The following SPAG1 variants were observed in gnomAD, a reference collection of about 807,000 sequenced individuals.
SPAG1 encodes sperm associated antigen 1.
A neutral mutation model predicts 100.5 loss-of-function variants in SPAG1; 69 were observed. The observed-to-expected ratio is 0.69, with a 90% CI of 0.57 to 0.84. SPAG1 has a LOEUF of 0.84. Ranked by LOEUF, SPAG1 falls within the 40% of genes least tolerant of loss-of-function variation. SPAG1 has a pLI of 0.00. For synonymous variants in SPAG1, 336 were observed against 411.6 expected (o/e 0.82, Z 2.22); for missense variants, 955 against 1,133.1 (o/e 0.84, Z 2.26).
intron 10 of SPAG1, among the ~76,000 whole-genome samples, chr8:100,196,376 C>T (rs1375289275): frequency 2.0e-5 from 3 of 152,150 alleles, no homozygotes; most frequent in Non-Finnish European, 2.9e-5. Context: ...TCGTCCTTGC[C>T]AGCATTTGGT....
intron 3 of SPAG1, among the ~76,000 whole-genome samples, chr8:100,171,622 C>T (rs148484321): frequency 6.6e-6 from 1 of 152,292 alleles, no homozygotes; most frequent in East Asian, 1.9e-4. Context: ...GCCTCCCTAA[C>T]GTCCAAACTT....
At position 100,239,589 on chromosome 8, in the gene SPAG1, A is replaced by C. The variant is rs529190584; in HGVS notation, c.2280+185A>C. 6.6e-6 allele frequency among the ~76,000 whole-genome samples: 1 copy of C among 152,184 alleles called. No homozygotes were observed. Among genetic ancestry groups the C allele is most frequent in the Non-Finnish European group, 1.5e-5 (1 of 68,020 alleles). On this transcript the variant is annotated intron_variant, in intron 17 of 18. Transcript: ENST00000388798. The surrounding 1 kb of genome is among the most constrained non-coding windows in gnomAD (Gnocchi z 5.0). ...TGATAATTAGCCATTGTATTTCCCA[A>C]CGTGGGTCCATGGATGGTACTGGGA...
In SPAG1 at chr8:100,170,835, TTA is replaced by T. The variant is rs1267118788; in HGVS notation, c.300+4864_300+4865del. 7.7e-4 allele frequency among the ~76,000 whole-genome samples: 63 copies of T among 81,766 alleles called. No homozygotes were observed. The East Asian group carries it at 0.014, about 18-fold the overall frequency. 53.6% of individuals were successfully genotyped at this position (81,766 alleles called of 152,430 possible). On this transcript the variant is annotated intron_variant, in intron 3 of 18. Transcript: ENST00000388798. ...TTTATTTATTTATTTATTTATTTAT[TTA>T]TTTATTTATTTATTTTTTACTTGCT...
intron 13 of SPAG1, among the ~76,000 whole-genome samples, chr8:100,224,677 T>TA (rs1437095893): frequency 1.3e-5 from 2 of 152,212 alleles, no homozygotes; most frequent in East Asian, 3.8e-4. Flanking sequence ...AGCGAGCCCT[T>TA]ACCAGTGTTG....
chr8:100,204,245 A>ATAAC, intron 10 of SPAG1, among the ~76,000 whole-genome samples: 1 of 152,146 alleles, frequency 6.6e-6, no homozygotes, highest in East Asian at 1.9e-4. Context: ...TTCTAGACCT[A>ATAAC]TAACTAGACT....
chr8:100,201,516 G>C (rs959136121), intron 10 of SPAG1, among the ~76,000 whole-genome samples: 2 of 152,160 alleles, frequency 1.3e-5, no homozygotes, highest in Non-Finnish European at 2.9e-5. Flanking sequence ...TATACAGTGT[G>C]AGGTAAATGT....
At chr8:100,190,653 CTTTTT>C (rs966810613) in intron 8 of SPAG1, among the ~76,000 whole-genome samples, 7 of 126,226 alleles carry the variant, frequency 5.5e-5, no homozygotes, top group Non-Finnish European at 9.9e-5. Context: ...CAGTAATATA[CTTTTT>C]TTTTCTTTTT....
At chr8:100,179,365 A>T (rs1344952121) in intron 4 of SPAG1, among the ~76,000 whole-genome samples, 1 of 152,194 alleles carries the variant, frequency 6.6e-6, no homozygotes, top group East Asian at 1.9e-4. Context: ...CCTGGGGGAA[A>T]GAGGGAGAAT....
Position 100,165,529 on chromosome 8 carries a change from C to A in SPAG1, c.141-285C>A, listed in dbSNP as rs2248768. ...ACGCCAACTCCGCGGAGCAACCCCA[C>A]TTCCTCCACGGTGCCGGGGACCACA... On this transcript the variant is annotated intron_variant, in intron 2 of 18. Coordinates refer to ENST00000388798, the MANE Select transcript of SPAG1 (RefSeq NM_003114.5). 133,843 of 369,032 alleles carry A rather than the reference C, an allele frequency of 0.36. 25,300 individuals carry two copies. The highest frequency in any genetic ancestry group is 0.5 in the East Asian group (8,140 of 16,200). The allele number at this position is 369,032 out of a possible 1,614,324, so 22.9% of individuals were successfully genotyped here.
At chr8:100,222,289 A>G (rs1818319263) in intron 13 of SPAG1, among the ~76,000 whole-genome samples, 1 of 151,810 alleles carries the variant, frequency 6.6e-6, no homozygotes, top group African/African-American at 2.4e-5. Context: ...CTCTTTTATT[A>G]CCCAGCTTCT....
At chr8:100,163,243 G>A (rs905000534) in intron 2 of SPAG1, among the ~76,000 whole-genome samples, 22 of 152,104 alleles carry the variant, frequency 1.4e-4, no homozygotes, top group African/African-American at 4.8e-4. Flanking sequence ...TATTCCCAGC[G>A]ATTCTGCTTC....
chr8:100,219,370 A>T (rs1014420673), intron 12 of SPAG1, among the ~76,000 whole-genome samples: 1 of 152,222 alleles, frequency 6.6e-6, no homozygotes, highest in African/African-American at 2.4e-5. Context: ...GATGTTAGTT[A>T]GGTTATATAG....
At chr8:100,159,005 T>G (rs1815191884) in intron 1 of SPAG1, 1 of 151,950 alleles carries the variant, frequency 6.6e-6, no homozygotes, top group African/African-American at 2.4e-5. Flanking sequence ...AGAGAAATGT[T>G]AAAATGATGT....
At chr8:100,222,730 G>A (rs886421589) in intron 13 of SPAG1, among the ~76,000 whole-genome samples, 1 of 152,194 alleles carries the variant, frequency 6.6e-6, no homozygotes, top group East Asian at 1.9e-4. Flanking sequence ...CATGATTACT[G>A]ACATTTCTGA....
intron 9 of SPAG1, among the ~76,000 whole-genome samples, chr8:100,192,028 C>T (rs1006242085): frequency 2.0e-5 from 3 of 152,122 alleles, no homozygotes; most frequent in African/African-American, 4.8e-5. Context: ...GAGTCAAACA[C>T]GAAAAGACTT....
chr8:100,176,245 C>T (rs1586409108), intron 3 of SPAG1, among the ~76,000 whole-genome samples: 1 of 152,072 alleles, frequency 6.6e-6, no homozygotes, highest in Admixed American at 6.6e-5. Context: ...CCTTTGCTGG[C>T]GTTCAATTCT....
At chr8:100,180,414 T>C (rs982321440) in intron 4 of SPAG1, among the ~76,000 whole-genome samples, 5 of 152,212 alleles carry the variant, frequency 3.3e-5, no homozygotes, top group Admixed American at 6.5e-5. Flanking sequence ...ATTTAGATAT[T>C]ATGTGTTTCT....
chr8:100,216,780 G>A (rs969858817), intron 12 of SPAG1, among the ~76,000 whole-genome samples: 2 of 152,138 alleles, frequency 1.3e-5, no homozygotes, highest in African/African-American at 4.8e-5. Context: ...TGCCAGAGAA[G>A]CCACTCTGTG....
At chr8:100,176,394 C>T (rs1442971892) in intron 3 of SPAG1, among the ~76,000 whole-genome samples, 3 of 146,058 alleles carry the variant, frequency 2.1e-5, no homozygotes, top group African/African-American at 7.7e-5. Context: ...GAGACTGAGT[C>T]TTGCTCTGTC....
Sources: gnomAD v4.1 joint callset for allele counts (sites outside exome capture counted in the v4.1 genomes callset) on GRCh38, gnomAD v4.1.1 for gene constraint, Gnocchi (gnomAD v3.1) non-coding constraint, MANE v1.5 for transcripts, NCBI Gene and HGNC (gene_info 2026-07-23, HGNC 2026-07-21) for gene names.